TCERG1L: variants seen among roughly 807,000 people sequenced by gnomAD.
TCERG1L encodes transcription elongation regulator 1 like.
TCERG1L carries 37 observed loss-of-function variants against 56.3 expected under a neutral mutation model. That is an observed-to-expected ratio of 0.66 (90% confidence interval 0.51 to 0.87). The LOEUF (loss-of-function observed/expected upper bound fraction) is 0.87. TCERG1L is among the 40% of genes least tolerant of loss of function. The probability of loss-of-function intolerance (pLI) is 0.00; values close to 1 mark genes in which losing one functional copy is unlikely to be tolerated. For synonymous variants in TCERG1L, 324 were observed against 326.3 expected (o/e 0.99, Z 0.08); for missense variants, 799 against 774.2 (o/e 1.03, Z -0.38).
intron 4 of TCERG1L, among the ~76,000 whole-genome samples, chr10:131,206,460 G>A (rs1228813664): frequency 6.6e-6 from 1 of 152,178 alleles, no homozygotes; most frequent in African/African-American, 2.4e-5. Context: ...CTCAAAGGAA[G>A]GGGCACGAGG....
intron 4 of TCERG1L, among the ~76,000 whole-genome samples, chr10:131,225,384 T>C (rs1370557750): frequency 2.0e-5 from 3 of 152,044 alleles, no homozygotes; most frequent in Admixed American, 6.6e-5. Context: ...GGGAAGACCA[T>C]TGCACCTGTG....
chr10:131,269,536 C>CAAGGAGAGGGAG (rs1316417719), intron 3 of TCERG1L, among the ~76,000 whole-genome samples: 2 of 152,184 alleles, frequency 1.3e-5, no homozygotes, highest in East Asian at 3.9e-4. Context: ...GAGGGAGGCC[C>CAAGGAGAGGGAG]AAGGAGAGGG....
At chr10:131,137,091 G>A (rs1459693565) in intron 7 of TCERG1L, among the ~76,000 whole-genome samples, 4 of 151,986 alleles carry the variant, frequency 2.6e-5, no homozygotes, top group East Asian at 3.9e-4. Flanking sequence ...AGTGAGCCGC[G>A]ATTGTGCCAC....
intron 4 of TCERG1L, among the ~76,000 whole-genome samples, chr10:131,258,438 G>A (rs1452335185): frequency 2.6e-5 from 4 of 152,186 alleles, no homozygotes; most frequent in African/African-American, 4.8e-5. Context: ...CCTCCCAATG[G>A]AGCCCTCACC....
intron 5 of TCERG1L, 147 bp from the exon 6 acceptor site, chr10:131,163,357 G>A: frequency 1.6e-6 from 1 of 625,538 alleles, no homozygotes; most frequent in Non-Finnish European, 2.6e-6. Context: ...GGCAGCGCCT[G>A]GCTGGGAGGT....
intron 10 of TCERG1L, among the ~76,000 whole-genome samples, chr10:131,104,034 C>CT (rs766929978): frequency 6.6e-6 from 1 of 152,196 alleles, no homozygotes; most frequent in Non-Finnish European, 1.5e-5. Flanking sequence ...ACATGTTCAT[C>CT]TTTAAAAGTA....
At chr10:131,101,521 C>T (rs1388624115) in intron 10 of TCERG1L, among the ~76,000 whole-genome samples, 8 of 152,294 alleles carry the variant, frequency 5.3e-5, no homozygotes, top group South Asian at 2.1e-4. Context: ...ACACGTGGCA[C>T]GTGCCACGCA....
intron 4 of TCERG1L, among the ~76,000 whole-genome samples, chr10:131,227,618 T>G (rs1210579663): frequency 6.6e-6 from 1 of 152,220 alleles, no homozygotes; most frequent in Admixed American, 6.5e-5. Flanking sequence ...CTGGGTTCTC[T>G]ATGGGGCAAC....
At chr10:131,117,846 A>G (rs990753306) in intron 8 of TCERG1L, among the ~76,000 whole-genome samples, 12 of 152,394 alleles carry the variant, frequency 7.9e-5, no homozygotes, top group Middle Eastern at 3.4e-3. Flanking sequence ...AGAAGCATCT[A>G]GAAATATCCT....
At chr10:131,149,366 C>T (rs1260227839) in intron 6 of TCERG1L, among the ~76,000 whole-genome samples, 1 of 152,210 alleles carries the variant, frequency 6.6e-6, no homozygotes, top group East Asian at 1.9e-4. Flanking sequence ...GACCATTGTC[C>T]CCAGCAAGCC....
chr10:131,243,189 C>T (rs118100321), intron 4 of TCERG1L, among the ~76,000 whole-genome samples: 1,836 of 152,258 alleles, frequency 0.012, 20 homozygotes, highest in African/African-American at 0.014. Flanking sequence ...TCCACACTCA[C>T]GCCCTGTGAG....
At position 131,213,717 on chromosome 10, in the gene TCERG1L, C is replaced by T. The variant is rs556772137; in HGVS notation, c.856+46542G>A. On this transcript the variant is annotated intron_variant, in intron 4 of 11. Coordinates refer to ENST00000368642, the MANE Select transcript of TCERG1L (RefSeq NM_174937.4). ...CACAAGGAGGGCCTCTCCCTGGACCCTGCTCTCCTGTGTTTGCTGAAGGGA... is the reference window on the plus strand; with the variant it reads ...CACAAGGAGGGCCTCTCCCTGGACCTTGCTCTCCTGTGTTTGCTGAAGGGA... 5.8e-4 allele frequency among the ~76,000 whole-genome samples: 89 copies of T among 152,336 alleles called. 2 individuals are homozygous for T. In the South Asian group the frequency reaches 0.018, roughly 31 times the overall value.
intron 3 of TCERG1L, among the ~76,000 whole-genome samples, chr10:131,300,474 AT>A (rs750823893): frequency 9.9e-5 from 15 of 152,160 alleles, no homozygotes; most frequent in South Asian, 2.1e-4. Flanking sequence ...AATTTCACTA[AT>A]TCTTGGCTGT....
intron 8 of TCERG1L, among the ~76,000 whole-genome samples, chr10:131,119,049 T>G (rs1451354881): frequency 6.6e-6 from 1 of 152,042 alleles, no homozygotes; most frequent in Non-Finnish European, 1.5e-5. Flanking sequence ...AAGATTACAC[T>G]ACTTCCTCAT....
intron 8 of TCERG1L, among the ~76,000 whole-genome samples, chr10:131,125,657 C>T (rs1211099160): frequency 2.6e-5 from 4 of 152,212 alleles, no homozygotes; most frequent in Non-Finnish European, 5.9e-5. Context: ...GGGCTGCAGG[C>T]CCCTGGGTGA....
At chr10:131,197,570 G>C (rs527529313) in intron 4 of TCERG1L, among the ~76,000 whole-genome samples, 1 of 151,890 alleles carries the variant, frequency 6.6e-6, no homozygotes, top group Non-Finnish European at 1.5e-5. Flanking sequence ...AGCCATGATC[G>C]AGCATCAGAA....
At chr10:131,116,970 G>A (rs747318842) in intron 8 of TCERG1L, 36 bp from the exon 9 acceptor site, 223 of 1,587,400 alleles carry the variant, frequency 1.4e-4, no homozygotes, top group East Asian at 2.7e-4. Context: ...AGACACACTC[G>A]TGGGGACCCA....
intron 4 of TCERG1L, among the ~76,000 whole-genome samples, chr10:131,186,145 T>G (rs1023313463): frequency 1.1e-4 from 16 of 152,208 alleles, no homozygotes; most frequent in Non-Finnish European, 2.9e-5. Flanking sequence ...ACCTGAAATG[T>G]GCAGAATAGG....
chr10:131,216,845 T>G (rs73396464), intron 4 of TCERG1L, among the ~76,000 whole-genome samples: 79 of 152,276 alleles, frequency 5.2e-4, no homozygotes, highest in African/African-American at 1.8e-3. Flanking sequence ...GAAGTGCCCC[T>G]GTGGCAGCTG....
Sources: gnomAD v4.1 joint callset for allele counts (sites outside exome capture counted in the v4.1 genomes callset) on GRCh38, gnomAD v4.1.1 for gene constraint, MANE v1.5 for transcripts, NCBI Gene and HGNC (gene_info 2026-07-23, HGNC 2026-07-21) for gene names.